Variants in RHOH observed in about 807,000 individuals in gnomAD.
The protein encoded by RHOH is rho-related GTP-binding protein RhoH.
RHOH carries 6 observed loss-of-function variants against 13.8 expected under a neutral mutation model. The observed-to-expected ratio is 0.44, with a 90% confidence interval of 0.24 to 0.86. The LOEUF is 0.86. RHOH is among the 40% of genes least tolerant of loss of function. The probability of loss-of-function intolerance (pLI) is 0.24; values close to 1 mark genes in which losing one functional copy is unlikely to be tolerated. For synonymous variants in RHOH, 117 were observed against 103.0 expected, an observed-to-expected ratio of 1.14 and a Z score of -0.82; for missense variants, 147 against 244.5, an observed-to-expected ratio of 0.60 and a Z score of 2.66.
chr4:40,197,962 C>T (rs1490831274), intron 1 of RHOH, among the ~76,000 whole-genome samples: 2 of 152,164 alleles, frequency 1.3e-5, no homozygotes, highest in Admixed American at 6.5e-5. Flanking sequence ...TTGCCATTGA[C>T]GTATTCAAGC....
chr4:40,208,710 G>T (rs1724921915), intron 1 of RHOH, among the ~76,000 whole-genome samples: 1 of 152,084 alleles, frequency 6.6e-6, no homozygotes, highest in African/African-American at 2.4e-5. Flanking sequence ...TTATTCCTAA[G>T]ACAACAACGC....
intron 1 of RHOH, among the ~76,000 whole-genome samples, chr4:40,201,588 G>T (rs1723993030): frequency 6.6e-6 from 1 of 152,072 alleles, no homozygotes; most frequent in Non-Finnish European, 1.5e-5. Flanking sequence ...CATGATGGTG[G>T]CTTGAAATTG....
At chr4:40,231,425 C>A (rs1218759848) in intron 1 of RHOH, among the ~76,000 whole-genome samples, 1 of 151,830 alleles carries the variant, frequency 6.6e-6, no homozygotes, top group Admixed American at 6.6e-5. Context: ...CTGGCTACCC[C>A]ACTTCTCTTC....
intron 1 of RHOH, among the ~76,000 whole-genome samples, chr4:40,204,951 T>C (rs575771389): frequency 6.6e-6 from 1 of 152,368 alleles, no homozygotes; most frequent in African/African-American, 2.4e-5. Flanking sequence ...CAGCTCGTGA[T>C]GCCTTGGGTG....
At chr4:40,214,618 A>G (rs1018863374) in intron 1 of RHOH, among the ~76,000 whole-genome samples, 5 of 152,242 alleles carry the variant, frequency 3.3e-5, no homozygotes, top group Non-Finnish European at 5.9e-5. Flanking sequence ...TTGGATTCAT[A>G]TGAAGAGATA....
At chr4:40,214,275 C>T (rs1004162551) in intron 1 of RHOH, among the ~76,000 whole-genome samples, 1 of 152,084 alleles carries the variant, frequency 6.6e-6, no homozygotes, top group African/African-American at 2.4e-5. Flanking sequence ...GCACAGGTGG[C>T]GAGGTGGTTA....
At chr4:40,235,438 A>AACGCATAGTGTCTACAGCACAG (rs1256982561) in intron 1 of RHOH, 4 of 109,058 alleles carry the variant, frequency 3.7e-5, no homozygotes, top group African/African-American at 1.7e-4. Flanking sequence ...AAAATTACAA[A>AACGCATAGTGTCTACAGCACAG]ATTAGCTGGG....
intron 1 of RHOH, among the ~76,000 whole-genome samples, chr4:40,206,307 C>T (rs1212700460): frequency 6.6e-6 from 1 of 152,150 alleles, no homozygotes; most frequent in Non-Finnish European, 1.5e-5. Context: ...ACCTTTTTCT[C>T]CCTTTCTTGC....
At chr4:40,225,228 C>T (rs1579297922) in intron 1 of RHOH, among the ~76,000 whole-genome samples, 1 of 152,224 alleles carries the variant, frequency 6.6e-6, no homozygotes, top group Middle Eastern at 3.4e-3. Flanking sequence ...TCTCATATCT[C>T]AGCCTCCCAA....
intron 1 of RHOH, among the ~76,000 whole-genome samples, chr4:40,211,305 A>AGG (rs1321349407): frequency 2.0e-5 from 3 of 152,000 alleles, no homozygotes; most frequent in Admixed American, 2.0e-4. Context: ...TCTCTTTCTC[A>AGG]CCGAGGCCAG....
chr4:40,192,545 T>C (rs1292792956), upstream of RHOH, among the ~76,000 whole-genome samples: 1 of 152,228 alleles, frequency 6.6e-6, no homozygotes, highest in Non-Finnish European at 1.5e-5. Context: ...ACATAGTACT[T>C]ATGCATGAGT....
rs1729460942 is a variant in RHOH at position 40,243,169 on chromosome 4, C to G, written c.-209-9C>G. 2.2e-6 allele frequency: 1 copy of G among 446,932 alleles called. No individual in the cohort carries two copies. Among genetic ancestry groups the G allele is most frequent in the Non-Finnish European group, 4.0e-6 (1 of 250,002 alleles). 27.7% of individuals were successfully genotyped at this position (446,932 alleles called of 1,614,324 possible). ...AGACTTCATTTTCCCCCTTCTCTTTCTGTTCCAGTTGAAGACTAGGCTTTG... is the reference window on the plus strand; with the variant it reads ...AGACTTCATTTTCCCCCTTCTCTTTGTGTTCCAGTTGAAGACTAGGCTTTG... On this transcript the variant is annotated splice_polypyrimidine_tract_variant and intron_variant, in intron 2 of 2. Transcript: ENST00000381799. This position sits in a 1 kb window ranked among gnomAD's most constrained non-coding sequence, Gnocchi z 6.2.
upstream of RHOH, among the ~76,000 whole-genome samples, chr4:40,191,634 C>G (rs1389379371): frequency 6.6e-6 from 1 of 152,168 alleles, no homozygotes; most frequent in Non-Finnish European, 1.5e-5. Context: ...CTATCATCTT[C>G]CGCAACAAGA....
intron 1 of RHOH, among the ~76,000 whole-genome samples, chr4:40,225,056 A>G (rs1727056015): frequency 2.6e-5 from 4 of 152,150 alleles, no homozygotes; most frequent in African/African-American, 9.7e-5. Flanking sequence ...CTACAGGTAC[A>G]TGCTACCATG....
intron 1 of RHOH, among the ~76,000 whole-genome samples, chr4:40,219,829 C>T (rs146450667): frequency 4.7e-4 from 71 of 152,238 alleles, no homozygotes; most frequent in African/African-American, 1.3e-3. Flanking sequence ...GGGAGAGTGT[C>T]AGCAATGTTG....
chr4:40,238,861 G>A (rs1055838557), intron 1 of RHOH, among the ~76,000 whole-genome samples: 1 of 152,126 alleles, frequency 6.6e-6, no homozygotes, highest in African/African-American at 2.4e-5. Flanking sequence ...TCACCCAGAA[G>A]CCCTTTTAGG....
At chr4:40,219,322 G>A (rs1726259450) in intron 1 of RHOH, among the ~76,000 whole-genome samples, 1 of 149,558 alleles carries the variant, frequency 6.7e-6, no homozygotes, top group Non-Finnish European at 1.5e-5. Flanking sequence ...TGAGGCAGGC[G>A]AATCACTTGA....
intron 1 of RHOH, among the ~76,000 whole-genome samples, chr4:40,213,919 G>A (rs999976255): frequency 2.0e-5 from 3 of 152,052 alleles, no homozygotes; most frequent in Non-Finnish European, 4.4e-5. Flanking sequence ...ACCACGCCCG[G>A]CTAATTTTTG....
intron 1 of RHOH, among the ~76,000 whole-genome samples, chr4:40,222,110 T>C (rs1370024754): frequency 6.6e-6 from 1 of 152,212 alleles, no homozygotes; most frequent in Non-Finnish European, 1.5e-5. Flanking sequence ...AGTATGAAGA[T>C]AGCAGAAGTT....
Sources: gnomAD v4.1 joint callset for allele counts (sites outside exome capture counted in the v4.1 genomes callset) on GRCh38, gnomAD v4.1.1 for gene constraint, Gnocchi (gnomAD v3.1) non-coding constraint, MANE v1.5 for transcripts, NCBI Gene and HGNC (gene_info 2026-07-23, HGNC 2026-07-21) for gene names.